Variants in POLD1 observed in about 807,000 individuals in gnomAD.
POLD1 encodes DNA polymerase delta catalytic subunit.
Under a neutral mutation model 129.7 loss-of-function variants are expected in POLD1, and 79 were observed. The ratio of observed to expected loss-of-function variants is 0.61; its 90% CI spans 0.51 to 0.73. The LOEUF (loss-of-function observed/expected upper bound fraction) is 0.73, where lower values mean the gene tolerates loss of function less well. POLD1 is among the 30% of genes least tolerant of loss of function. The pLI is 0.00. For missense variants in POLD1, 1,338 were observed against 1,595.8 expected, an observed-to-expected ratio of 0.84 and a Z score of 2.75; for synonymous variants, 714 against 683.3, an observed-to-expected ratio of 1.04 and a Z score of -0.70.
In POLD1 at chr19:50,403,149, C is replaced by A; in HGVS notation, c.1067C>A (p.Thr356Asn). Residue 356 changes from threonine to asparagine, a missense_variant, in exon 9 of 27, where the codon ACC becomes AAC. Transcript: ENST00000440232. ...EPEPFLRLAL[T>N]LRPCAPILGA... The stretch of plus-strand genomic sequence containing the variant: ...GAGCCCTTCCTACGCCTGGCGCTCA[C>A]CCTGCGGCCCTGTGCCCCCATCCTG... The A allele has an allele frequency of 6.4e-7, 1 of 1,560,576 alleles. No individual in the cohort carries two copies. The highest frequency in any genetic ancestry group is 8.7e-7 in the Non-Finnish European group (1 of 1,152,086).
chr19:50,417,821 T>TGCCCCA, intron 26 of POLD1, 21 bp from the exon 27 acceptor site: 1 of 1,516,822 alleles, frequency 6.6e-7, no homozygotes, highest in African/African-American at 1.4e-5. Context: ...GTCCTGACCC[T>TGCCCCA]GCCCCTGCCC....
chr19:50,387,351 C>G lies in POLD1; in HGVS notation c.-2+2961C>G, dbSNP rs3219305. 0.012 allele frequency among the ~76,000 whole-genome samples: 1,845 copies of G among 152,274 alleles called. 168 individuals carry two copies. In the East Asian group the frequency reaches 0.22, roughly 18 times the overall value. On this transcript the variant is annotated intron_variant, in intron 1 of 26. Transcript: ENST00000440232. The stretch of plus-strand genomic sequence containing the variant: ...ATGAGGTCATTGAGGAAATGAGTGT[C>G]TCACTCATCGAGAAAACTGGTGTCT...
intron 14 of POLD1, among the ~76,000 whole-genome samples, chr19:50,408,366 T>C (rs2038974119): frequency 1.3e-5 from 2 of 151,762 alleles, no homozygotes; most frequent in African/African-American, 4.8e-5. Context: ...AATAGTAGAT[T>C]AATTATATAT....
At position 50,409,152 on chromosome 19, in the gene POLD1, C is replaced by T. The variant is rs760413572; in HGVS notation, c.1923C>T (p.Pro641=). 4.3e-6 allele frequency: 7 copies of T among 1,613,456 alleles called. No individual in the cohort carries two copies. The highest frequency in any genetic ancestry group is 1.1e-5 in the South Asian group (1 of 91,064). The part of the protein sequence containing the change: ...GLTEDQFIRT[P]TGDEFVKTSV... ...CTGAGGATCAGTTCATCAGGACCCC[C>T]ACCGGGGACGAGTTTGTGAAGACCT... The change falls in exon 16 of 27, where the codon CCC becomes CCT. Residue 641 remains proline, a synonymous_variant. Transcript: ENST00000440232. The surrounding 1 kb of genome is among the most constrained non-coding windows in gnomAD (Gnocchi z 5.8).
rs2039237457 is a variant in POLD1 at position 50,415,290 on chromosome 19, A to G, written c.2565-148A>G. The G allele has an allele frequency of 5.1e-6, 4 of 786,304 alleles. No individual in the cohort carries two copies. The South Asian group carries it at 7.3e-5, about 14-fold the overall frequency. 48.7% of individuals were successfully genotyped at this position (786,304 alleles called of 1,614,324 possible). On this transcript the variant is annotated intron_variant, in intron 20 of 26. Transcript: ENST00000440232. ...TGTGGGTTCAGGCCCTGCCTCTGCC[A>G]CTCTGCAGCCTATGGTAGGAAGGGC...
Position 50,406,566 on chromosome 19 carries a change from CA to C in POLD1, c.1494+50del. 7.3e-7 allele frequency: 1 copy of C among 1,366,348 alleles called. No individual in the cohort carries two copies. The highest frequency in any genetic ancestry group is 1.0e-6 in the Non-Finnish European group (1 of 980,222). 84.6% of individuals were successfully genotyped at this position (1,366,348 alleles called of 1,614,324 possible). ...TCACCCCAACCTCTGACCTCCACCTCACCCTTCCCCGGCCTCTGACCTCAAC... is the reference window on the plus strand; with the variant it reads ...TCACCCCAACCTCTGACCTCCACCTCCCCTTCCCCGGCCTCTGACCTCAAC... On this transcript the variant is annotated intron_variant, in intron 12 of 26. Transcript: ENST00000440232. The surrounding 1 kb of genome is among the most constrained non-coding windows in gnomAD (Gnocchi z 5.5).
chr19:50,399,426 G>A lies in POLD1; in HGVS notation c.258G>A (p.Ala86=), dbSNP rs200687128. ...DPRWLRPTPP[A]LDPQTEPLIF... ...GCTGGCTTCGGCCCACACCACCAGC[G>A]CTGGACCCCCAGACAGAGCCCCTCA... The change falls in exon 3 of 27, where the codon GCG becomes GCA. Residue 86 remains alanine, a synonymous_variant. Transcript: ENST00000440232. 44 of 1,614,180 alleles carry A rather than the reference G, an allele frequency of 2.7e-5. No homozygotes were observed. In the East Asian group the frequency reaches 3.8e-4, roughly 14 times the overall value.
At chr19:50,398,708 G>A in intron 1 of POLD1, 143 bp from the exon 2 acceptor site, 3 of 1,358,730 alleles carry the variant, frequency 2.2e-6, no homozygotes, top group Non-Finnish European at 3.0e-6. Context: ...CCCACTGCCT[G>A]CAGGGTGCAG....
intron 7 of POLD1, 25 bp from the exon 8 acceptor site, chr19:50,402,587 A>G (rs2122253979): frequency 1.3e-6 from 2 of 1,570,604 alleles, no homozygotes; most frequent in Non-Finnish European, 1.7e-6. Context: ...CCCTGCTGCC[A>G]CCGCTGACCC....
Position 50,403,535 on chromosome 19 carries a change from A to G in POLD1, c.1180A>G (p.Thr394Ala). 1 of 1,614,008 alleles carries G rather than the reference A, an allele frequency of 6.2e-7. No homozygotes were observed. Among genetic ancestry groups the G allele is most frequent in the East Asian group, 2.2e-5 (1 of 44,870 alleles). ...FIRIMDPDVI[T>A]GYNIQNFDLP... ...CCGTATCATGGACCCCGACGTGATCACCGGTTACAACATCCAGAACTTCGA... is the reference window on the plus strand; with the variant it reads ...CCGTATCATGGACCCCGACGTGATCGCCGGTTACAACATCCAGAACTTCGA... The change falls in exon 10 of 27, where the codon ACC becomes GCC. Residue 394 changes from threonine to alanine, a missense_variant. Transcript: ENST00000440232.
At chr19:50,390,204 T>G (rs562936993) in intron 1 of POLD1, among the ~76,000 whole-genome samples, 6 of 151,808 alleles carry the variant, frequency 4.0e-5, no homozygotes, top group Non-Finnish European at 8.8e-5. Flanking sequence ...CCACTGCGCC[T>G]GGCCAATAAT....
chr19:50,413,935 G>T, intron 19 of POLD1, 56 bp downstream of exon 19: 1 of 1,508,156 alleles, frequency 6.6e-7, no homozygotes, highest in Non-Finnish European at 8.9e-7. Flanking sequence ...GGTACTCAGG[G>T]TGTCCCGTTC....
intron 17 of POLD1, among the ~76,000 whole-genome samples, chr19:50,411,617 G>A (rs953154699): frequency 6.6e-6 from 1 of 152,206 alleles, no homozygotes; most frequent in Non-Finnish European, 1.5e-5. Flanking sequence ...GAGGCGGGCG[G>A]ATCACGAGGT....
chr19:50,403,731 G>A, intron 10 of POLD1, 134 bp downstream of exon 10: 1 of 686,094 alleles, frequency 1.5e-6, no homozygotes. Flanking sequence ...TTGCCTGCAG[G>A]GGCAGCCTAG....
At chr19:50,389,601 T>G (rs2123720208) in intron 1 of POLD1, among the ~76,000 whole-genome samples, 1 of 151,050 alleles carries the variant, frequency 6.6e-6, no homozygotes, top group Non-Finnish European at 1.5e-5. Flanking sequence ...TTTTTTTTTT[T>G]TCCAAGACTG....
rs935770440 is a variant in POLD1, at chr19:50,406,323, G to C, written c.1383+1G>C. On this transcript the variant is annotated splice_donor_variant, in intron 11 of 26. Coordinates refer to ENST00000440232, the MANE Select transcript of POLD1 (RefSeq NM_002691.4). LOFTEE classifies it high-confidence loss of function. This position sits in a 1 kb window ranked among gnomAD's most constrained non-coding sequence, Gnocchi z 5.5. ...CCGCGTGCAGATGGACATGCTGCAG[G>C]TATGGGCGGGAGGTGGGGTGTGTCC... 1 of 1,613,856 alleles carries C rather than the reference G, an allele frequency of 6.2e-7. No homozygotes were observed. Among genetic ancestry groups the C allele is most frequent in the African/African-American group, 1.3e-5 (1 of 75,028 alleles).
In POLD1 at chr19:50,402,675, G is replaced by A. The variant is rs753247559; in HGVS notation, c.904G>A (p.Gly302Arg). The part of the protein sequence containing the change: ...WSDVVSHPPE[G>R]PWQRIAPLRV... ...TGACGTGGTCAGTCACCCACCGGAA[G>A]GGCCATGGCAGCGCATTGCGCCCTT... The change falls in exon 8 of 27, where the codon GGG becomes AGG. Residue 302 changes from glycine (G) to arginine (R), a missense_variant. By Grantham distance (125) the Gly-to-Arg change is moderately radical. This residue lies in a region of POLD1 where 720 missense variants were observed against 1,002.6 expected (regional missense o/e 0.72). Transcript: ENST00000440232. The A allele has an allele frequency of 1.3e-6, 2 of 1,599,944 alleles. No homozygotes were observed. Among genetic ancestry groups the A allele is most frequent in the South Asian group, 1.1e-5 (1 of 89,892 alleles).
intron 3 of POLD1, among the ~76,000 whole-genome samples, chr19:50,400,051 G>A (rs1473538039): frequency 6.6e-6 from 1 of 150,858 alleles, no homozygotes; most frequent in Non-Finnish European, 1.5e-5. Flanking sequence ...CTGACCTCAA[G>A]TGATCCACCC....
At chr19:50,401,385 ATATATATTTTTTTTTT>A (rs1320270106) in intron 3 of POLD1, among the ~76,000 whole-genome samples, 2 of 58,290 alleles carry the variant, frequency 3.4e-5, no homozygotes, top group African/African-American at 8.0e-5. Flanking sequence ...ATATATATAT[ATATATATTTTTTTTTT>A]TTTTTTTTTT....
Sources: gnomAD v4.1 joint callset for allele counts (sites outside exome capture counted in the v4.1 genomes callset) on GRCh38, gnomAD v4.1.1 for gene constraint, gnomAD v4.1.1 regional missense constraint, Gnocchi (gnomAD v3.1) non-coding constraint, MANE v1.5 for transcripts, NCBI Gene and HGNC (gene_info 2026-07-23, HGNC 2026-07-21) for gene names.